Variants in POU6F2 observed in about 807,000 individuals in gnomAD.
POU6F2 encodes the protein POU class 6 homeobox 2.
POU6F2 carries 31 observed loss-of-function variants against 71.3 expected under a neutral mutation model. That is an observed-to-expected ratio of 0.43 (90% CI 0.33 to 0.59). The LOEUF is 0.59. Among genes scored for constraint, POU6F2 ranks in the 20% least tolerant of loss-of-function variants. The pLI, the probability that POU6F2 is intolerant of heterozygous loss-of-function variation, is 0.04. For missense variants in POU6F2, 783 were observed against 856.8 expected (o/e 0.91, Z 1.07); for synonymous variants, 347 against 355.7 (o/e 0.98, Z 0.27).
At chr7:39,333,352 A>G (rs1170760768) in intron 4 of POU6F2, among the ~76,000 whole-genome samples, 1 of 152,162 alleles carries the variant, frequency 6.6e-6, no homozygotes, top group African/African-American at 2.4e-5. Context: ...ACTAAAGAAC[A>G]CTGGGTGATT....
intron 1 of POU6F2, chr7:39,002,050 C>T (rs1189766437): frequency 6.6e-6 from 1 of 152,156 alleles, no homozygotes; most frequent in Non-Finnish European, 1.5e-5. Flanking sequence ...AATGTAACTC[C>T]TTGACATGTT....
chr7:39,114,337 T>C (rs559611435), intron 2 of POU6F2, among the ~76,000 whole-genome samples: 1 of 152,314 alleles, frequency 6.6e-6, no homozygotes, highest in African/African-American at 2.4e-5. Flanking sequence ...TCTGCAGGGT[T>C]AGAGTGAGTA....
At chr7:39,018,415 T>C (rs1789609240) in intron 1 of POU6F2, among the ~76,000 whole-genome samples, 1 of 152,184 alleles carries the variant, frequency 6.6e-6, no homozygotes, top group African/African-American at 2.4e-5. Flanking sequence ...CTGAACTTAT[T>C]TGGTGACAAA....
chr7:39,282,516 C>T (rs1054331959), intron 4 of POU6F2, among the ~76,000 whole-genome samples: 11 of 152,070 alleles, frequency 7.2e-5, no homozygotes, highest in Non-Finnish European at 1.3e-4. Context: ...TCTAGTTTTG[C>T]GAGACCATTT....
intron 5 of POU6F2, among the ~76,000 whole-genome samples, chr7:39,344,876 T>C (rs1029092400): frequency 3.3e-5 from 5 of 152,146 alleles, no homozygotes; most frequent in Non-Finnish European, 7.4e-5. Flanking sequence ...ACTGTAAATA[T>C]AGAACTCAGA....
intron 1 of POU6F2, among the ~76,000 whole-genome samples, chr7:38,990,332 T>C (rs1190597209): frequency 1.3e-5 from 2 of 152,172 alleles, no homozygotes; most frequent in Non-Finnish European, 2.9e-5. Context: ...ACCTTTTTCC[T>C]GTCAAATGGC....
At chr7:39,266,177 C>T (rs1273249724) in intron 4 of POU6F2, among the ~76,000 whole-genome samples, 1 of 152,162 alleles carries the variant, frequency 6.6e-6, no homozygotes, top group Non-Finnish European at 1.5e-5. Flanking sequence ...GGGAAGTTCC[C>T]TTGGCAAAGA....
At chr7:39,389,593 A>G (rs908562856) in intron 5 of POU6F2, among the ~76,000 whole-genome samples, 2 of 152,234 alleles carry the variant, frequency 1.3e-5, no homozygotes, top group Admixed American at 1.3e-4. Flanking sequence ...ACAGAAGCTA[A>G]GGAAAATAGA....
chr7:39,090,822 C>A (rs1046309114), intron 2 of POU6F2, among the ~76,000 whole-genome samples: 1 of 151,876 alleles, frequency 6.6e-6, no homozygotes, highest in African/African-American at 2.4e-5. Context: ...TATGCAAAAA[C>A]TGTTATTTAA....
At chr7:39,456,579 A>G (rs550984636) in intron 8 of POU6F2, among the ~76,000 whole-genome samples, 4 of 152,354 alleles carry the variant, frequency 2.6e-5, no homozygotes, top group East Asian at 1.9e-4. Context: ...GGTAGTAATC[A>G]GGGTAAAGCT....
rs1787069694 is a variant in POU6F2 at position 39,391,193 on chromosome 7, C to G, written c.973-15407C>G. ...ACTTGATGGCTTTTTTTCTTGAAAC[C>G]TCTGATGACTATCTTGGTCAATTTG... On this transcript the variant is annotated intron_variant, in intron 5 of 9. Transcript: ENST00000518318. Among the ~76,000 whole-genome samples the G allele has an allele frequency of 2.0e-5, 3 of 152,028 alleles. No homozygotes were observed. In the South Asian group the frequency reaches 6.2e-4, roughly 31 times the overall value.
chr7:39,005,623 T>A lies in POU6F2; in HGVS notation c.105+27565T>A, dbSNP rs189200698. ...CTTGACCTGCCGTCAAAGAGGTTTTTGTTTTAGTTTTTGTTTTTTTCACTC... is the reference window on the plus strand; with the variant it reads ...CTTGACCTGCCGTCAAAGAGGTTTTAGTTTTAGTTTTTGTTTTTTTCACTC... On this transcript the variant is annotated intron_variant, in intron 1 of 9. Coordinates refer to ENST00000518318, the MANE Select transcript of POU6F2 (RefSeq NM_001370959.1). 1.4e-3 allele frequency among the ~76,000 whole-genome samples: 31 copies of A among 22,760 alleles called. No homozygotes were observed. In the Admixed American group the frequency reaches 0.021, roughly 16 times the overall value. 14.9% of individuals were successfully genotyped at this position (22,760 alleles called of 152,430 possible). A position where few individuals can be genotyped will look rare whatever the true frequency, so the allele number is the denominator to read the frequency against.
chr7:39,134,373 C>A (rs748028699), intron 2 of POU6F2, among the ~76,000 whole-genome samples: 15 of 152,118 alleles, frequency 9.9e-5, no homozygotes, highest in Non-Finnish European at 1.8e-4. Context: ...GGACCAGCAA[C>A]CTTCTTAGGG....
chr7:39,345,976 C>T lies in POU6F2; in HGVS notation c.972+5961C>T, dbSNP rs897955509. On this transcript the variant is annotated intron_variant, in intron 5 of 9. Transcript: ENST00000518318. The stretch of plus-strand genomic sequence containing the variant: ...ATGATTCACTCATTCAGTGAGAGAT[C>T]GGGTGGGAAATGAGAATCCCTTTAC... Among the ~76,000 whole-genome samples the T allele has an allele frequency of 2.6e-5, 4 of 152,066 alleles. No homozygotes were observed. In the South Asian group the frequency reaches 6.2e-4, roughly 24 times the overall value.
chr7:39,267,055 C>G (rs1784259738), intron 4 of POU6F2, among the ~76,000 whole-genome samples: 1 of 152,102 alleles, frequency 6.6e-6, no homozygotes, highest in Non-Finnish European at 1.5e-5. Context: ...CATTTTATCA[C>G]TAACATGACC....
At chr7:39,004,790 C>T (rs922047333) in intron 1 of POU6F2, among the ~76,000 whole-genome samples, 5 of 152,068 alleles carry the variant, frequency 3.3e-5, no homozygotes, top group Non-Finnish European at 7.4e-5. Flanking sequence ...ATTATTGGTC[C>T]ACCTGCTGTG....
intron 4 of POU6F2, among the ~76,000 whole-genome samples, chr7:39,281,240 T>G (rs1338630312): frequency 6.6e-6 from 1 of 152,210 alleles, no homozygotes; most frequent in Non-Finnish European, 1.5e-5. Context: ...CATTGCATCA[T>G]GGTCAAATCA....
chr7:39,403,085 A>T (rs1787340836), intron 5 of POU6F2, among the ~76,000 whole-genome samples: 1 of 152,250 alleles, frequency 6.6e-6, no homozygotes, highest in Admixed American at 6.5e-5. Context: ...ACTTAAAGTC[A>T]CAAACCAAGG....
At chr7:39,183,609 T>C (rs559458388) in intron 2 of POU6F2, among the ~76,000 whole-genome samples, 37 of 152,286 alleles carry the variant, frequency 2.4e-4, no homozygotes, top group African/African-American at 8.7e-4. Context: ...GGACATGAGA[T>C]TTGGGCAGGG....
Sources: allele counts gnomAD v4.1 joint callset (sites outside exome capture counted in the v4.1 genomes callset), GRCh38; gene constraint gnomAD v4.1.1; transcripts MANE v1.5; gene names NCBI Gene and HGNC (gene_info 2026-07-23, HGNC 2026-07-21).